The following TRPC5 variants were observed in gnomAD, a reference collection of about 807,000 sequenced individuals.
TRPC5 encodes transient receptor potential cation channel subfamily C member 5, also known as short transient receptor potential channel 5.
In TRPC5, 9 loss-of-function variants were observed where a neutral mutation model predicts 56.5. That is an observed-to-expected ratio of 0.16 (90% CI 0.10 to 0.28). The LOEUF (loss-of-function observed/expected upper bound fraction) is 0.28, where lower values mean the gene tolerates loss of function less well. Among genes scored for constraint, TRPC5 ranks in the 10% least tolerant of loss-of-function variants. The probability of loss-of-function intolerance (pLI) is 1.00; values close to 1 mark genes in which losing one functional copy is unlikely to be tolerated. For missense variants in TRPC5, 469 were observed against 748.9 expected (o/e 0.63, Z 4.36); for synonymous variants, 282 against 278.5 (o/e 1.01, Z -0.13).
intron 1 of TRPC5, among the ~76,000 whole-genome samples, chrX:112,020,436 A>C (rs1365905486): frequency 9.0e-6 from 1 of 111,569 alleles, no homozygotes; most frequent in East Asian, 2.8e-4. Context: ...TGAGCTTCAA[A>C]GTTCTCTGAT....
At chrX:111,920,493 T>G (rs1926099490) in intron 2 of TRPC5, among the ~76,000 whole-genome samples, 1 of 111,342 alleles carries the variant, frequency 9.0e-6, no homozygotes, top group Non-Finnish European at 1.9e-5. Context: ...GTACTGCCTT[T>G]TATGGATTGT....
chrX:111,927,814 CTT>C (rs35342500), intron 2 of TRPC5, among the ~76,000 whole-genome samples: 42 of 97,954 alleles, frequency 4.3e-4, no homozygotes, highest in South Asian at 2.4e-3. Context: ...TGATGGGAAA[CTT>C]TTTTTTTTTT....
chrX:111,945,733 C>G (rs747014255), intron 2 of TRPC5, among the ~76,000 whole-genome samples: 2 of 112,101 alleles, frequency 1.8e-5, no homozygotes, highest in Non-Finnish European at 3.8e-5. Flanking sequence ...CAGACAGCTT[C>G]TTACTTCTAG....
intron 2 of TRPC5, among the ~76,000 whole-genome samples, chrX:111,916,999 G>C (rs1239063248): frequency 8.8e-6 from 1 of 113,059 alleles, no homozygotes; most frequent in African/African-American, 3.2e-5. Context: ...TATGTTATCT[G>C]TTGACCACGG....
chrX:112,057,140 C>A (rs185996792), intron 1 of TRPC5, among the ~76,000 whole-genome samples: 1 of 111,698 alleles, frequency 9.0e-6, no homozygotes, highest in Non-Finnish European at 1.9e-5. Flanking sequence ...CTTCAGCTGA[C>A]AAGCATTAAA....
Position 111,768,276 on chromosome X carries a change from C to T in TRPC5, c.*8037G>A, listed in dbSNP as rs1945824744. ...TGTATCATTTTAAACTGAAATTTGA[C>T]ACACTTTCTATATGGTGATATGTGG... On this transcript the variant is annotated 3_prime_UTR_variant, in exon 11 of 11. Transcript: ENST00000262839. Among the ~76,000 whole-genome samples, 1 of 112,011 alleles carries T rather than the reference C, an allele frequency of 8.9e-6. No individual in the cohort carries two copies. The highest frequency in any genetic ancestry group is 1.9e-5 in the Non-Finnish European group (1 of 53,157).
rs1453595828 is a variant in TRPC5 at position 111,960,624 on chromosome X, T to C, written c.-21-8183A>G. Among the ~76,000 whole-genome samples, 6 of 110,985 alleles carry C rather than the reference T, an allele frequency of 5.4e-5. No individual in the cohort carries two copies. In the Admixed American group the frequency reaches 5.8e-4, roughly 11 times the overall value. ...AATTCGTTAAAAGTCTTGCATTTCA[T>C]TACTAGTCTTGGATTGTCTTTAATC... On this transcript the variant is annotated intron_variant, in intron 1 of 10. Transcript: ENST00000262839.
chrX:112,031,667 A>G (rs1160919963), intron 1 of TRPC5, among the ~76,000 whole-genome samples: 1 of 109,894 alleles, frequency 9.1e-6, no homozygotes, highest in Non-Finnish European at 1.9e-5. Flanking sequence ...AGATAAATAG[A>G]TATATATCTA....
At chrX:111,863,872 G>C (rs1230361356) in intron 3 of TRPC5, among the ~76,000 whole-genome samples, 2 of 111,873 alleles carry the variant, frequency 1.8e-5, no homozygotes, top group Non-Finnish European at 1.9e-5. Context: ...AAATGATCAT[G>C]CATGGTTTTG....
chrX:111,925,987 A>G (rs1051240013), intron 2 of TRPC5, among the ~76,000 whole-genome samples: 2 of 111,844 alleles, frequency 1.8e-5, no homozygotes, highest in African/African-American at 6.5e-5. Flanking sequence ...TATCCACTAG[A>G]TGACAGTAAC....
At chrX:112,006,686 G>A (rs779419346) in intron 1 of TRPC5, among the ~76,000 whole-genome samples, 2 of 111,997 alleles carry the variant, frequency 1.8e-5, no homozygotes, top group African/African-American at 3.2e-5. Flanking sequence ...ATTAGATGGA[G>A]GCCAGGTAAC....
intron 1 of TRPC5, among the ~76,000 whole-genome samples, chrX:111,967,587 A>T (rs1304791384): frequency 8.9e-6 from 1 of 112,192 alleles, no homozygotes; most frequent in Non-Finnish European, 1.9e-5. Flanking sequence ...ACAAGGCTAC[A>T]GTAATCAAAA....
chrX:112,001,447 G>A (rs1313767902), intron 1 of TRPC5, among the ~76,000 whole-genome samples: 2 of 111,985 alleles, frequency 1.8e-5, no homozygotes, highest in Non-Finnish European at 3.8e-5. Context: ...CTCAAAACAT[G>A]TTATCTATTA....
At chrX:111,993,165 C>T (rs1281376110) in intron 1 of TRPC5, among the ~76,000 whole-genome samples, 3 of 105,419 alleles carry the variant, frequency 2.8e-5, no homozygotes, top group African/African-American at 1.0e-4. Flanking sequence ...GGTTTTCTGT[C>T]CTTGTGATAG....
chrX:111,877,491 A>G (rs1409027569), intron 3 of TRPC5, among the ~76,000 whole-genome samples: 1 of 110,963 alleles, frequency 9.0e-6, no homozygotes. Flanking sequence ...GTAAACCTCA[A>G]GTTTAGGATA....
At chrX:111,923,421 T>C (rs60761334) in intron 2 of TRPC5, among the ~76,000 whole-genome samples, 4,507 of 111,864 alleles carry the variant, frequency 0.04, 232 homozygotes, top group African/African-American at 0.14. Context: ...AAAAAATTCA[T>C]GACTAATTCC....
chrX:111,975,059 C>T (rs964017651), intron 1 of TRPC5, among the ~76,000 whole-genome samples: 4 of 110,785 alleles, frequency 3.6e-5, no homozygotes, highest in Non-Finnish European at 7.5e-5. Flanking sequence ...CAGAAAGCAC[C>T]TGAGAAGGCC....
intron 2 of TRPC5, chrX:111,930,759 G>T (rs1367433424): frequency 9.0e-6 from 1 of 111,351 alleles, no homozygotes; most frequent in Non-Finnish European, 1.9e-5. Context: ...TCATGCCCAG[G>T]ATCTGCACAC....
intron 7 of TRPC5, among the ~76,000 whole-genome samples, chrX:111,807,747 G>A (rs1177043719): frequency 8.9e-6 from 1 of 112,221 alleles, no homozygotes; most frequent in African/African-American, 3.2e-5. Context: ...GGATTTAGGT[G>A]TTGTGATCTA....
Sources: allele counts gnomAD v4.1 joint callset (sites outside exome capture counted in the v4.1 genomes callset), GRCh38; gene constraint gnomAD v4.1.1; transcripts MANE v1.5; gene names NCBI Gene and HGNC (gene_info 2026-07-23, HGNC 2026-07-21).